Variants in PARD3 observed in about 807,000 individuals in gnomAD.
PARD3 encodes the protein par-3 family cell polarity regulator, also known as partitioning defective 3 homolog.
PARD3 carries 75 observed loss-of-function variants against 155.4 expected under a neutral mutation model. That is an observed-to-expected ratio of 0.48 (90% confidence interval 0.40 to 0.58). The LOEUF (loss-of-function observed/expected upper bound fraction) is 0.58. Among genes scored for constraint, PARD3 ranks in the 20% least tolerant of loss-of-function variants. The pLI, the probability that PARD3 is intolerant of heterozygous loss-of-function variation, is 0.00. For missense variants in PARD3, 1,642 were observed against 1,721.7 expected, an observed-to-expected ratio of 0.95 and a Z score of 0.82; for synonymous variants, 576 against 610.5, an observed-to-expected ratio of 0.94 and a Z score of 0.83.
At chr10:34,542,256 T>A (rs1262608668) in intron 2 of PARD3, among the ~76,000 whole-genome samples, 1 of 119,528 alleles carries the variant, frequency 8.4e-6, no homozygotes, top group African/African-American at 2.9e-5. Flanking sequence ...CACACACGCT[T>A]GCATTTACCC....
At chr10:34,343,611 G>A (rs1837065712) in intron 15 of PARD3, 1 of 985,176 alleles carries the variant, frequency 1.0e-6, no homozygotes, top group Non-Finnish European at 1.2e-6. Context: ...TTGGGTTATG[G>A]CTCCAAGATT....
chr10:34,633,889 G>A (rs1385423797), intron 2 of PARD3, among the ~76,000 whole-genome samples: 1 of 152,196 alleles, frequency 6.6e-6, no homozygotes, highest in East Asian at 1.9e-4. Flanking sequence ...AGAGGGAGGT[G>A]ACATTTCACT....
At chr10:34,247,514 A>ATT in intron 22 of PARD3, among the ~76,000 whole-genome samples, 1 of 152,172 alleles carries the variant, frequency 6.6e-6, no homozygotes, top group Non-Finnish European at 1.5e-5. Flanking sequence ...AAAACAAACA[A>ATT]AACAAAAAAC....
chr10:34,204,422 A>G (rs1454383825), intron 22 of PARD3, among the ~76,000 whole-genome samples: 2 of 152,100 alleles, frequency 1.3e-5, no homozygotes, highest in African/African-American at 4.8e-5. Flanking sequence ...GGGTAGGAAA[A>G]CCACAACCAC....
chr10:34,572,293 G>C (rs959673128), intron 2 of PARD3, among the ~76,000 whole-genome samples: 5 of 152,018 alleles, frequency 3.3e-5, no homozygotes, highest in African/African-American at 1.2e-4. Flanking sequence ...GATCACTTCA[G>C]CTTAGGAGTT....
intron 22 of PARD3, among the ~76,000 whole-genome samples, chr10:34,268,793 G>C (rs1161620820): frequency 1.3e-5 from 2 of 152,040 alleles, no homozygotes; most frequent in Non-Finnish European, 2.9e-5. Flanking sequence ...TGGGGGGAGG[G>C]GTGAGGGAAA....
At chr10:34,428,025 CTCTTGCAAGGTG>C (rs2075711178) in intron 5 of PARD3, among the ~76,000 whole-genome samples, 1 of 152,106 alleles carries the variant, frequency 6.6e-6, no homozygotes, top group African/African-American at 2.4e-5. Flanking sequence ...TAGACCAAGG[CTCTTGCAAGGTG>C]AGCAACTCCC....
chr10:34,472,421 T>C (rs1012169082), intron 3 of PARD3, among the ~76,000 whole-genome samples: 7 of 152,116 alleles, frequency 4.6e-5, no homozygotes, highest in Admixed American at 1.3e-4. Flanking sequence ...GCCCTTACTA[T>C]AAGGAAAGTT....
chr10:34,738,510 C>G (rs549824550), intron 1 of PARD3, among the ~76,000 whole-genome samples: 1 of 93,060 alleles, frequency 1.1e-5, no homozygotes, highest in African/African-American at 3.3e-5. Flanking sequence ...AGCTCCACAG[C>G]ACATCACTAC....
At chr10:34,580,066 A>G (rs1432861862) in intron 2 of PARD3, among the ~76,000 whole-genome samples, 1 of 151,402 alleles carries the variant, frequency 6.6e-6, no homozygotes, top group African/African-American at 2.4e-5. Context: ...GGTATGTACC[A>G]CCATGCCTGG....
chr10:34,333,969 A>G (rs1835883958), intron 18 of PARD3, among the ~76,000 whole-genome samples: 1 of 152,024 alleles, frequency 6.6e-6, no homozygotes, highest in African/African-American at 2.4e-5. Flanking sequence ...GGATTCCCTA[A>G]CAATACAAAC....
intron 22 of PARD3, among the ~76,000 whole-genome samples, chr10:34,257,715 A>C (rs1001976841): frequency 4.0e-4 from 61 of 152,370 alleles, no homozygotes; most frequent in African/African-American, 1.4e-3. Flanking sequence ...GGCTAAAATA[A>C]ATACATAAAT....
intron 5 of PARD3, among the ~76,000 whole-genome samples, chr10:34,422,785 G>A (rs560857257): frequency 2.0e-5 from 3 of 152,176 alleles, no homozygotes; most frequent in Admixed American, 6.5e-5. Flanking sequence ...GAACGATAAC[G>A]TACTAAAGAG....
At chr10:34,176,948 TG>T (rs869288103) in intron 22 of PARD3, among the ~76,000 whole-genome samples, 10 of 28,646 alleles carry the variant, frequency 3.5e-4, no homozygotes, top group African/African-American at 1.9e-3. Context: ...AGAAGCAGGT[TG>T]TGTGTGTGTG....
At chr10:34,467,788 C>T (rs12785126) in intron 4 of PARD3, among the ~76,000 whole-genome samples, 2,943 of 152,174 alleles carry the variant, frequency 0.019, 33 homozygotes, top group South Asian at 0.034. Context: ...AATGAAACTG[C>T]GTCAGCTAGG....
chr10:34,549,933 A>G (rs985258961), intron 2 of PARD3, among the ~76,000 whole-genome samples: 7 of 152,076 alleles, frequency 4.6e-5, no homozygotes, highest in Non-Finnish European at 7.3e-5. Context: ...GACCAGGCCC[A>G]GAGAGCTGGA....
chr10:34,569,258 G>A (rs1165556406), intron 2 of PARD3, among the ~76,000 whole-genome samples: 6 of 152,146 alleles, frequency 3.9e-5, no homozygotes, highest in Non-Finnish European at 7.3e-5. Flanking sequence ...AGGGTTTGGG[G>A]AGGAAATGTT....
At chr10:34,198,167 AATAG>A (rs1951038820) in intron 22 of PARD3, among the ~76,000 whole-genome samples, 1 of 152,250 alleles carries the variant, frequency 6.6e-6, no homozygotes. Flanking sequence ...AAGCCAAGCA[AATAG>A]ATACTTTCTA....
chr10:34,772,527 C>T (rs1293879848), intron 1 of PARD3, among the ~76,000 whole-genome samples: 1 of 151,240 alleles, frequency 6.6e-6, no homozygotes, highest in Non-Finnish European at 1.5e-5. Context: ...CATGGTGGCT[C>T]ACGCCTGTAA....
Sources: allele counts gnomAD v4.1 joint callset (sites outside exome capture counted in the v4.1 genomes callset), GRCh38; gene constraint gnomAD v4.1.1; transcripts MANE v1.5; gene names NCBI Gene and HGNC (gene_info 2026-07-23, HGNC 2026-07-21).